SCRN2: variants seen among roughly 807,000 people sequenced by gnomAD.
SCRN2 encodes the protein secernin-2.
In SCRN2, 30 loss-of-function variants were observed where a neutral mutation model predicts 40.1. The ratio of observed to expected loss-of-function variants is 0.75; its 90% CI spans 0.56 to 1.01. The LOEUF (loss-of-function observed/expected upper bound fraction) is 1.01, where lower values mean the gene tolerates loss of function less well. SCRN2 is among the 50% of genes least tolerant of loss of function. SCRN2 has a pLI of 0.00. For synonymous variants in SCRN2, 240 were observed against 233.5 expected (o/e 1.03, Z -0.25); for missense variants, 526 against 564.9 (o/e 0.93, Z 0.70).
rs758226121 is a variant in SCRN2, at chr17:47,838,263, G to T, written c.1119+7C>A. ...CCTCAAGGTAGCCCCTACTCCCTGG[G>T]GGATACCTGATCTCTCTCCATCAGC... On this transcript the variant is annotated splice_region_variant and intron_variant, in intron 7 of 7. Transcript: ENST00000290216. 9.5e-6 allele frequency: 15 copies of T among 1,585,886 alleles called. No homozygotes were observed. The highest frequency in any genetic ancestry group is 1.1e-5 in the South Asian group (1 of 86,972).
chr17:47,840,443 A>G (rs2033798436), intron 2 of SCRN2, 71 bp from the exon 3 acceptor site: 1 of 1,528,354 alleles, frequency 6.5e-7, no homozygotes, highest in Admixed American at 1.8e-5. Context: ...GCACTCTGCC[A>G]ATTACCTTAT....
chr17:47,840,168 A>G, intron 3 of SCRN2, 23 bp downstream of exon 3: 1 of 1,598,756 alleles, frequency 6.3e-7, no homozygotes, highest in South Asian at 1.1e-5. Context: ...TGTCAGGCAG[A>G]TGAGGAAGGG....
chr17:47,838,885 A>G lies in SCRN2; in HGVS notation c.678T>C (p.Phe226=), dbSNP rs777083637. The G allele has an allele frequency of 6.2e-7, 1 of 1,613,850 alleles. No homozygotes were observed. The highest frequency in any genetic ancestry group is 8.5e-7 in the Non-Finnish European group (1 of 1,180,042). ...GWWDGQGAFD[F]AQIFSLTQQP... is the part of the protein sequence containing the mutation. ...GCTGGGTCAGGGAGAAGATCTGAGCAAAGTCAAAGGCACCCTGCCCATCCC... is the reference window on the plus strand; with the variant it reads ...GCTGGGTCAGGGAGAAGATCTGAGCGAAGTCAAAGGCACCCTGCCCATCCC... The change falls in exon 5 of 8, where the codon TTT becomes TTC. Residue 226 remains phenylalanine, a synonymous_variant. Transcript: ENST00000290216.
chr17:47,840,292 C>T lies in SCRN2; in HGVS notation c.255G>A (p.Glu85=). 3 of 1,614,212 alleles carry T rather than the reference C, an allele frequency of 1.9e-6. No homozygotes were observed. Among genetic ancestry groups the T allele is most frequent in the Non-Finnish European group, 2.5e-6 (3 of 1,180,034 alleles). The part of the protein sequence containing the change: ...LSRPSWLWGA[E]MGANEHGVCI... ...AGACACCATGCTCGTTGGCGCCCAT[C>T]TCAGCCCCCCATAGCCAAGAAGGAC... is the stretch of plus-strand genomic sequence containing the variant. Residue 85 remains glutamate, a synonymous_variant, in exon 3 of 8, where the codon GAG becomes GAA. Transcript: ENST00000290216.
rs1598047363 is a variant in SCRN2 at position 47,837,696 on chromosome 17, A to G, written c.*148T>C. ...TGGGATAAAGTTCACTGAAGAGAAA[A>G]TAAAGCACATTTATTAAGGCAAAGG... On this transcript the variant is annotated 3_prime_UTR_variant, in exon 8 of 8. Coordinates refer to ENST00000290216, the MANE Select transcript of SCRN2 (RefSeq NM_138355.4). 2.0e-6 allele frequency: 2 copies of G among 997,266 alleles called. No homozygotes were observed. The highest frequency in any genetic ancestry group is 5.9e-5 in the East Asian group (2 of 33,656). The allele number at this position is 997,266 out of a possible 1,614,324, so 61.8% of individuals were successfully genotyped here.
Position 47,837,797 on chromosome 17 carries a change from GC to G in SCRN2, c.*46del. ...CTTTACCACCACTCAGGGCACCCAGGCCCCAGGGGTCCTGGGTCCACCCCAG... is the reference window on the plus strand; with the variant it reads ...CTTTACCACCACTCAGGGCACCCAGGCCCAGGGGTCCTGGGTCCACCCCAG... On this transcript the variant is annotated 3_prime_UTR_variant, in exon 8 of 8. Transcript: ENST00000290216. 1 of 1,537,166 alleles carries G rather than the reference GC, an allele frequency of 6.5e-7. No individual in the cohort carries two copies. Among genetic ancestry groups the G allele is most frequent in the South Asian group, 1.2e-5 (1 of 82,094 alleles).
At chr17:47,840,553 AGCTCAT>A in intron 2 of SCRN2, 111 bp downstream of exon 2, 2 of 1,311,178 alleles carry the variant, frequency 1.5e-6, no homozygotes, top group Non-Finnish European at 2.1e-6. Flanking sequence ...GTAGACCTAA[AGCTCAT>A]GCTCTTCCAC....
Position 47,840,315 on chromosome 17 carries a change from G to A in SCRN2, c.232C>T (p.Pro78Ser), listed in dbSNP as rs765916305. Reference sequence around the variant, plus strand: ...ATCTCAGCCCCCCATAGCCAAGAAGGACGGCTCAGAATCACAGCGTGCGTC... The same window carrying A: ...ATCTCAGCCCCCCATAGCCAAGAAGAACGGCTCAGAATCACAGCGTGCGTC... ...SKTHAVILSRPSWLWGAEMGA... is the reference protein window; with the variant it reads ...SKTHAVILSRSSWLWGAEMGA... Residue 78 changes from proline (P) to serine (S), a missense_variant, in exon 3 of 8, where the codon CCT becomes TCT. Physicochemically the swap from Pro to Ser is moderately conservative, Grantham distance 74 (BLOSUM62 -1). Transcript: ENST00000290216. The A allele has an allele frequency of 6.2e-7, 1 of 1,614,198 alleles. No individual in the cohort carries two copies. The highest frequency in any genetic ancestry group is 1.3e-5 in the African/African-American group (1 of 75,062).
At position 47,840,703 on chromosome 17, in the gene SCRN2, G is replaced by C; in HGVS notation, c.141C>G (p.Pro47=). The change falls in exon 2 of 8, where the codon CCC becomes CCG. Residue 47 remains proline (P), a synonymous_variant. Transcript: ENST00000290216. ...GGCTCCCAGGAGTGTGAGTGCCTGC[G>C]GGGACAAACACCACCTCCTGCACCT... ...RDEVQEVVFV[P]AGTHTPGSRL... 1 of 1,605,348 alleles carries C rather than the reference G, an allele frequency of 6.2e-7. No homozygotes were observed. Among genetic ancestry groups the C allele is most frequent in the Non-Finnish European group, 8.5e-7 (1 of 1,175,676 alleles).
intron 3 of SCRN2, 173 bp downstream of exon 3, chr17:47,840,018 G>A (rs1297512449): frequency 1.3e-5 from 8 of 623,348 alleles, no homozygotes; most frequent in Non-Finnish European, 2.2e-5. Flanking sequence ...GGCCAGGAGA[G>A]GCCCAAAGGT....
chr17:47,839,711 A>G (rs2033783269), intron 3 of SCRN2, 68 bp from the exon 4 acceptor site: 1 of 1,563,646 alleles, frequency 6.4e-7, no homozygotes, highest in Non-Finnish European at 8.8e-7. Flanking sequence ...CAGAAGCTCC[A>G]GGGGACAGAA....
At position 47,840,215 on chromosome 17, in the gene SCRN2, G is replaced by T; in HGVS notation, c.332C>A (p.Ala111Asp). ...WTKEPVGEGE[A>D]LLGMDLLRLA... ...CCTGAGTAGGTCCATGCCCAGCAGG[G>T]CTTCCCCCTCCCCAACTGGCTCCTT... Residue 111 changes from alanine to aspartate, a missense_variant, in exon 3 of 8, where the codon GCC becomes GAC. Transcript: ENST00000290216. 1 of 1,613,732 alleles carries T rather than the reference G, an allele frequency of 6.2e-7. No homozygotes were observed.
Position 47,838,361 on chromosome 17 carries a change from C to T in SCRN2, c.1028G>A (p.Arg343Gln), listed in dbSNP as rs145068403. 162 of 1,610,192 alleles carry T rather than the reference C, an allele frequency of 1.0e-4. No homozygotes were observed. In the African/African-American group the frequency reaches 1.8e-3, roughly 18 times the overall value. ...SPTFGAQDPV[R>Q]TLPRFQTQVD... Reference sequence around the variant, plus strand: ...CTGAGTCTGGAATCGGGGCAGGGTCCGAACAGGGTCTTGTGCTCCAAAAGT... The same window carrying T: ...CTGAGTCTGGAATCGGGGCAGGGTCTGAACAGGGTCTTGTGCTCCAAAAGT... The change falls in exon 7 of 8, where the codon CGG (arginine) becomes CAG (glutamine). Residue 343 changes from arginine (R) to glutamine (Q), a missense_variant. Arg to Gln is a conservative substitution (Grantham distance 43). Transcript: ENST00000290216.
rs143281920 is a variant in SCRN2 at position 47,837,890 on chromosome 17, C to T, written c.1232G>A (p.Ser411Asn). The T allele has an allele frequency of 1.5e-5, 24 of 1,603,698 alleles. No individual in the cohort carries two copies. In the African/African-American group the frequency reaches 3.2e-4, roughly 21 times the overall value. Residue 411 changes from serine to asparagine, a missense_variant, in exon 8 of 8, where the codon AGC becomes AAC. Ser to Asn is a conservative substitution (Grantham distance 46). Transcript: ENST00000290216. ...CCTCTTCACGAAGGCCTGGAAGAGG[C>T]TGCCCAGCTCCCAGAGGGGTGGGGC... is the stretch of plus-strand genomic sequence containing the variant. ...EWAPPLWELG[S>N]LFQAFVKRES...
rs551651758 is a variant in SCRN2 at position 47,839,589 on chromosome 17, C to A, written c.411G>T (p.Gly137=). 5 of 1,614,100 alleles carry A rather than the reference C, an allele frequency of 3.1e-6. No individual in the cohort carries two copies. The South Asian group carries it at 5.5e-5, about 18-fold the overall frequency. The change falls in exon 4 of 8, where the codon GGG becomes GGT. Residue 137 remains glycine (G), a synonymous_variant. Coordinates refer to ENST00000290216, the MANE Select transcript of SCRN2 (RefSeq NM_138355.4). ...CCCCCTGCCCATAGTGCTCCAGTAA[C>A]CCTGTGATCACATGCAAGGCCTCCT... ...SAQEALHVIT[G]LLEHYGQGGN...
At position 47,840,336 on chromosome 17, in the gene SCRN2, G is replaced by T. The variant is rs780206566; in HGVS notation, c.211C>A (p.His71Asn). 1 of 1,614,056 alleles carries T rather than the reference G, an allele frequency of 6.2e-7. No individual in the cohort carries two copies. Among genetic ancestry groups the T allele is most frequent in the African/African-American group, 1.3e-5 (1 of 74,950 alleles). ...YIEVEQVSKT[H>N]AVILSRPSWL... ...GAAGGACGGCTCAGAATCACAGCGT[G>T]CGTCTTCGACACCTGTTCCACTTCA... The change falls in exon 3 of 8, where the codon CAC (histidine) becomes AAC (asparagine). Residue 71 changes from histidine to asparagine, a missense_variant. Coordinates refer to ENST00000290216, the MANE Select transcript of SCRN2 (RefSeq NM_138355.4).
intron 1 of SCRN2, 167 bp from the exon 2 acceptor site, chr17:47,841,010 C>CAGG (rs1190917125): frequency 3.6e-6 from 2 of 558,238 alleles, no homozygotes; most frequent in Non-Finnish European, 5.5e-6. Context: ...CCACCCTCTC[C>CAGG]CCAGGCTCCA....
At chr17:47,840,916 T>G in intron 1 of SCRN2, 73 bp from the exon 2 acceptor site, 1 of 1,333,708 alleles carries the variant, frequency 7.5e-7, no homozygotes, top group Non-Finnish European at 9.8e-7. Context: ...CCCACACGTG[T>G]AAAAGACGCG....
chr17:47,840,105 TG>T, intron 3 of SCRN2, 85 bp downstream of exon 3: 2 of 1,401,628 alleles, frequency 1.4e-6, no homozygotes, highest in Non-Finnish European at 1.9e-6. Flanking sequence ...TGAACCAGGC[TG>T]GGGGAGGGAT....
Sources: gnomAD v4.1 joint callset for allele counts on GRCh38, gnomAD v4.1.1 for gene constraint, MANE v1.5 for transcripts, NCBI Gene and HGNC (gene_info 2026-07-23, HGNC 2026-07-21) for gene names.